DCBLD1: variants seen among roughly 807,000 people sequenced by gnomAD.
DCBLD1 encodes the protein discoidin, CUB and LCCL domain-containing protein 1.
In DCBLD1, 57 loss-of-function variants were observed where a neutral mutation model predicts 71.5. The observed-to-expected ratio is 0.80, with a 90% CI of 0.64 to 0.99. The LOEUF (loss-of-function observed/expected upper bound fraction) is 0.99, where lower values mean the gene tolerates loss of function less well. DCBLD1 is among the 50% of genes least tolerant of loss of function. The pLI is 0.00. For missense variants in DCBLD1, 891 were observed against 923.5 expected (o/e 0.96, Z 0.46); for synonymous variants, 380 against 363.8 (o/e 1.04, Z -0.51).
Position 117,548,361 on chromosome 6 carries a change from C to T in DCBLD1, c.2070C>T (p.Pro690=), listed in dbSNP as rs1451851441. 1.3e-6 allele frequency: 2 copies of T among 1,550,720 alleles called. No homozygotes were observed. The stretch of plus-strand genomic sequence containing the variant: ...ACTCTCAGAAGCCCCCAACGCATCC[C>T]GGGACGAGTGACAGCTATTCTGCCC... ...HPDSQKPPTH[P]GTSDSYSAPR... is the part of the protein sequence containing the mutation. The change falls in exon 15 of 15, where the codon CCC becomes CCT. Residue 690 remains proline, a synonymous_variant. Coordinates refer to ENST00000338728, the MANE Select transcript of DCBLD1 (RefSeq NM_001366458.2).
chr6:117,553,058 A>G (rs1363441660), downstream of DCBLD1, among the ~76,000 whole-genome samples: 1 of 152,270 alleles, frequency 6.6e-6, no homozygotes, highest in East Asian at 1.9e-4. Flanking sequence ...CTCCATCTTC[A>G]TCACAGCAGC....
intron 14 of DCBLD1, among the ~76,000 whole-genome samples, chr6:117,556,508 A>G (rs185418651): frequency 6.6e-6 from 1 of 152,356 alleles, no homozygotes; most frequent in East Asian, 1.9e-4. Context: ...CACTTAAGAT[A>G]ATGGTCTTCA....
intron 1 of DCBLD1, among the ~76,000 whole-genome samples, chr6:117,502,555 T>G (rs1197562360): frequency 6.6e-6 from 1 of 152,192 alleles, no homozygotes; most frequent in African/African-American, 2.4e-5. Context: ...TGAATCCACC[T>G]CTAACTGGGG....
At chr6:117,559,936 TAGTC>T (rs887476601) in intron 14 of DCBLD1, among the ~76,000 whole-genome samples, 292 of 152,236 alleles carry the variant, frequency 1.9e-3, no homozygotes, top group African/African-American at 6.7e-3. Context: ...AAATCAAGGT[TAGTC>T]AGTGACAAAA....
At chr6:117,492,472 C>G (rs1423477457) in intron 1 of DCBLD1, among the ~76,000 whole-genome samples, 1 of 152,072 alleles carries the variant, frequency 6.6e-6, no homozygotes, top group Non-Finnish European at 1.5e-5. Context: ...ATGTTCCTAT[C>G]CAGGGGAGAA....
At chr6:117,521,406 TAAC>T (rs971928240) in intron 3 of DCBLD1, 116 bp from the exon 4 acceptor site, 2 of 790,498 alleles carry the variant, frequency 2.5e-6, no homozygotes, top group African/African-American at 3.8e-5. Context: ...AAAATTCTGA[TAAC>T]TACATAGTGA....
In DCBLD1 at chr6:117,532,308, G is replaced by A; in HGVS notation, c.634G>A (p.Glu212Lys). ...CATCCATGCAGGAATAATTGCTGAT[G>A]AACTAGGTGGCCAGATCAGTGTGCT... The part of the protein sequence containing the change: ...AAIHAGIIAD[E>K]LGGQISVLQR... The change falls in exon 6 of 15, where the codon GAA becomes AAA. Residue 212 changes from glutamate (E) to lysine (K), a missense_variant. Physicochemically the swap from Glu to Lys is moderately conservative, Grantham distance 56. Transcript: ENST00000338728. The A allele has an allele frequency of 6.2e-7, 1 of 1,613,756 alleles. No individual in the cohort carries two copies. Among genetic ancestry groups the A allele is most frequent in the East Asian group, 2.2e-5 (1 of 44,884 alleles).
intron 14 of DCBLD1, among the ~76,000 whole-genome samples, chr6:117,556,708 TATA>T (rs1437529828): frequency 1.3e-5 from 2 of 152,210 alleles, no homozygotes; most frequent in Non-Finnish European, 2.9e-5. Context: ...ATCTTTTCAA[TATA>T]ATTTCTTTCT....
chr6:117,511,953 G>C (rs895755746), intron 2 of DCBLD1, among the ~76,000 whole-genome samples: 2 of 152,084 alleles, frequency 1.3e-5, no homozygotes, highest in Admixed American at 6.5e-5. Flanking sequence ...CTTTTTCTTT[G>C]TTTGTTTTAT....
intron 2 of DCBLD1, among the ~76,000 whole-genome samples, chr6:117,511,789 A>C (rs2114457979): frequency 6.6e-6 from 1 of 152,324 alleles, no homozygotes; most frequent in East Asian, 1.9e-4. Context: ...ATTATGAAGT[A>C]GAAGGAAAAA....
At chr6:117,534,615 G>C (rs940876756) in intron 6 of DCBLD1, among the ~76,000 whole-genome samples, 1 of 152,010 alleles carries the variant, frequency 6.6e-6, no homozygotes, top group Non-Finnish European at 1.5e-5. Flanking sequence ...AGGAAAACAG[G>C]ATAACAAAAA....
intron 2 of DCBLD1, among the ~76,000 whole-genome samples, chr6:117,510,352 C>G (rs1305121517): frequency 6.7e-6 from 1 of 150,332 alleles, no homozygotes; most frequent in Non-Finnish European, 1.5e-5. Context: ...GACACACACA[C>G]AGACACAGAC....
In DCBLD1 at chr6:117,532,129, G is replaced by T. The variant is rs1247594963; in HGVS notation, c.586-131G>T. On this transcript the variant is annotated intron_variant, in intron 5 of 14. Coordinates refer to ENST00000338728, the MANE Select transcript of DCBLD1 (RefSeq NM_001366458.2). ...TCAGTGAGGGAGGTGACAACTCCAG[G>T]GCATGGCCATTGGAAGGCTTTATTC... The T allele has an allele frequency of 4.5e-6, 6 of 1,319,676 alleles. No individual in the cohort carries two copies. In the African/African-American group the frequency reaches 5.9e-5, roughly 13 times the overall value. 81.7% of individuals were successfully genotyped at this position (1,319,676 alleles called of 1,614,324 possible).
intron 6 of DCBLD1, among the ~76,000 whole-genome samples, chr6:117,533,572 C>A (rs865882006): frequency 2.6e-5 from 4 of 152,148 alleles, no homozygotes; most frequent in Non-Finnish European, 5.9e-5. Flanking sequence ...AAATAGGTAT[C>A]CTGACCACAA....
At chr6:117,527,406 C>G (rs546568485) in intron 5 of DCBLD1, among the ~76,000 whole-genome samples, 1 of 152,104 alleles carries the variant, frequency 6.6e-6, no homozygotes, top group Non-Finnish European at 1.5e-5. Context: ...TCAGAAGAAT[C>G]TTTGCAAAAC....
intron 12 of DCBLD1, among the ~76,000 whole-genome samples, chr6:117,543,601 G>A (rs1296527283): frequency 6.6e-6 from 1 of 151,974 alleles, no homozygotes; most frequent in Non-Finnish European, 1.5e-5. Flanking sequence ...TCAAACTTCT[G>A]GTCTCATTTG....
At position 117,496,751 on chromosome 6, in the gene DCBLD1, G is replaced by T. The variant is rs1449523538; in HGVS notation, c.113-7016G>T. Reference sequence around the variant, plus strand: ...CACTCTTTCCCAAGTTGCAGGTTAGGACCCATTAATAGGTAATGAAATCAC... The same window carrying T: ...CACTCTTTCCCAAGTTGCAGGTTAGTACCCATTAATAGGTAATGAAATCAC... On this transcript the variant is annotated intron_variant, in intron 1 of 14. Coordinates refer to ENST00000338728, the MANE Select transcript of DCBLD1 (RefSeq NM_001366458.2). 3.3e-5 allele frequency among the ~76,000 whole-genome samples: 5 copies of T among 152,176 alleles called. No homozygotes were observed. The East Asian group carries it at 9.6e-4, about 29-fold the overall frequency.
chr6:117,503,187 T>A (rs184745014), intron 1 of DCBLD1, among the ~76,000 whole-genome samples: 19 of 152,322 alleles, frequency 1.2e-4, no homozygotes, highest in African/African-American at 4.3e-4. Flanking sequence ...TTTCTGATTG[T>A]ACATCCCAAG....
intron 4 of DCBLD1, among the ~76,000 whole-genome samples, chr6:117,523,674 G>T (rs1169802562): frequency 6.6e-6 from 1 of 152,170 alleles, no homozygotes; most frequent in Non-Finnish European, 1.5e-5. Context: ...CTGCTGCAAT[G>T]CAGGGACTCC....
Sources: allele counts gnomAD v4.1 joint callset (sites outside exome capture counted in the v4.1 genomes callset), GRCh38; gene constraint gnomAD v4.1.1; transcripts MANE v1.5; gene names NCBI Gene and HGNC (gene_info 2026-07-23, HGNC 2026-07-21).